The following CEP44 variants were observed in gnomAD, a reference collection of about 807,000 sequenced individuals.
The protein encoded by CEP44 is centrosomal protein 44.
A neutral mutation model predicts 46.7 loss-of-function variants in CEP44; 45 were observed. The observed-to-expected ratio is 0.96, with a 90% CI of 0.76 to 1.24. The LOEUF (loss-of-function observed/expected upper bound fraction) is 1.24. Among genes scored for constraint, CEP44 ranks in the 50% most tolerant of loss-of-function variants. The pLI is 0.00. For synonymous variants in CEP44, 142 were observed against 146.0 expected, an observed-to-expected ratio of 0.97 and a Z score of 0.20; for missense variants, 475 against 459.7, an observed-to-expected ratio of 1.03 and a Z score of -0.30.
At chr4:174,299,436 A>G (rs991644974) in intron 3 of CEP44, among the ~76,000 whole-genome samples, 40 of 152,354 alleles carry the variant, frequency 2.6e-4, no homozygotes, top group Admixed American at 1.8e-3. Context: ...TTAGAAGCAC[A>G]GTATTTATCT....
Position 174,319,319 on chromosome 4 carries a change from CGATT to C in CEP44, c.*1937_*1940del. 1 of 980,926 alleles carries C rather than the reference CGATT, an allele frequency of 1.0e-6. No individual in the cohort carries two copies. Among genetic ancestry groups the C allele is most frequent in the Non-Finnish European group, 1.2e-6 (1 of 825,904 alleles). The allele number at this position is 980,926 out of a possible 1,614,324, so 60.8% of individuals were successfully genotyped here. A position where few individuals can be genotyped will look rare whatever the true frequency, so the allele number is the denominator to read the frequency against. On this transcript the variant is annotated 3_prime_UTR_variant, in exon 12 of 12. Transcript: ENST00000503780. Reference sequence around the variant, plus strand: ...GTTATAAGGGAAAAAACTTCTGTATCGATTAACTCCTAAAATATCAGTACCAGCA... The same window carrying C: ...GTTATAAGGGAAAAAACTTCTGTATCAACTCCTAAAATATCAGTACCAGCA...
chr4:174,328,240 G>A (rs1488543279), intron 8 of CEP44, among the ~76,000 whole-genome samples: 1 of 152,122 alleles, frequency 6.6e-6, no homozygotes, highest in Non-Finnish European at 1.5e-5. Flanking sequence ...CTAAGTTGTG[G>A]CCATGTGGCC....
At chr4:174,294,360 G>A (rs1351809216) in intron 1 of CEP44, among the ~76,000 whole-genome samples, 2 of 152,000 alleles carry the variant, frequency 1.3e-5, no homozygotes, top group African/African-American at 4.8e-5. Context: ...AGGGTTGGGG[G>A]TAGGGTCACC....
At chr4:174,321,829 CTTAAGT>C (rs996976115), downstream of CEP44, among the ~76,000 whole-genome samples, 10 of 152,198 alleles carry the variant, frequency 6.6e-5, no homozygotes, top group East Asian at 1.2e-3. Flanking sequence ...AAAAAAGCAT[CTTAAGT>C]TTAAGAAAAT....
rs538963086 is a variant in CEP44 at position 174,331,885 on chromosome 4, T to C, written c.*290T>C. 1.4e-4 allele frequency: 39 copies of C among 286,316 alleles called. No homozygotes were observed. The highest frequency in any genetic ancestry group is 2.2e-4 in the Non-Finnish European group (34 of 154,948). The allele number at this position is 286,316 out of a possible 1,614,324, so 17.7% of individuals were successfully genotyped here. A position where few individuals can be genotyped will look rare whatever the true frequency, so the allele number is the denominator to read the frequency against. On this transcript the variant is annotated 3_prime_UTR_variant, in exon 9 of 9. Coordinates refer to the CEP44 transcript ENST00000426172. The surrounding 1 kb of genome is among the most constrained non-coding windows in gnomAD (Gnocchi z 4.5). Reference sequence around the variant, plus strand: ...TTTCATATTTCTTTATTATTGTAAATGGGGGCTGTGGAAGGTGAGAAAACA... The same window carrying C: ...TTTCATATTTCTTTATTATTGTAAACGGGGGCTGTGGAAGGTGAGAAAACA...
chr4:174,327,364 T>C (rs1261878680), intron 8 of CEP44, among the ~76,000 whole-genome samples: 1 of 151,830 alleles, frequency 6.6e-6, no homozygotes, highest in Non-Finnish European at 1.5e-5. Flanking sequence ...GAAGACTCAA[T>C]ACAGATTAAT....
Position 174,301,150 on chromosome 4 carries a change from T to A in CEP44, c.90-889T>A, listed in dbSNP as rs1024165922. Among the ~76,000 whole-genome samples the A allele has an allele frequency of 5.3e-5, 8 of 152,194 alleles. No individual in the cohort carries two copies. The highest frequency in any genetic ancestry group is 2.9e-5 in the Non-Finnish European group (2 of 68,002). On this transcript the variant is annotated intron_variant, in intron 3 of 11. Transcript: ENST00000503780. This position sits in a 1 kb window ranked among gnomAD's most constrained non-coding sequence, Gnocchi z 4.3. ...CTAAAAATTTGGGTGGAGATGGGGA[T>A]GTTTATGTGAACATCTTGAATTTTT...
intron 1 of CEP44, among the ~76,000 whole-genome samples, chr4:174,296,185 T>C (rs968374495): frequency 6.6e-6 from 1 of 152,250 alleles, no homozygotes; most frequent in African/African-American, 2.4e-5. Flanking sequence ...ATTCTTCCTA[T>C]GTGATCTTTT....
intron 1 of CEP44, among the ~76,000 whole-genome samples, chr4:174,284,560 A>G (rs1194859388): frequency 6.6e-6 from 1 of 152,154 alleles, no homozygotes; most frequent in Non-Finnish European, 1.5e-5. Context: ...GTAACAAGTT[A>G]ATCTTGAAGT....
intron 6 of CEP44, among the ~76,000 whole-genome samples, chr4:174,305,726 T>C (rs1253752276): frequency 6.6e-6 from 1 of 152,192 alleles, no homozygotes; most frequent in East Asian, 1.9e-4. Flanking sequence ...GGAACATATA[T>C]GAACAGGGAT....
chr4:174,299,037 G>T, intron 2 of CEP44, 35 bp from the exon 3 acceptor site: 1 of 1,196,016 alleles, frequency 8.4e-7, no homozygotes, highest in South Asian at 1.4e-5. Context: ...AAAATACAGA[G>T]ACTTAACCAG....
At position 174,318,106 on chromosome 4, in the gene CEP44, C is replaced by G; in HGVS notation, c.*723C>G. 1.0e-6 allele frequency: 1 copy of G among 973,128 alleles called. No homozygotes were observed. Among genetic ancestry groups the G allele is most frequent in the Non-Finnish European group, 1.2e-6 (1 of 818,818 alleles). 60.3% of individuals were successfully genotyped at this position (973,128 alleles called of 1,614,324 possible). A position where few individuals can be genotyped will look rare whatever the true frequency, so the allele number is the denominator to read the frequency against. ...GGGATGGAGTTTCGCTGTTGTTGCC[C>G]AGGCTGGAGTGCAATAGCACGATCT... is the stretch of plus-strand genomic sequence containing the variant. On this transcript the variant is annotated 3_prime_UTR_variant, in exon 12 of 12. Coordinates refer to ENST00000503780, the MANE Select transcript of CEP44 (RefSeq NM_001040157.3).
Position 174,309,136 on chromosome 4 carries a change from A to T in CEP44, c.678+277A>T, listed in dbSNP as rs996669487. ...TAAGGAATCTACAATTTAGTGAGAC[A>T]TAGCGATATGCTACTTTGCATAGTG... On this transcript the variant is annotated intron_variant, in intron 7 of 11. Coordinates refer to ENST00000503780, the MANE Select transcript of CEP44 (RefSeq NM_001040157.3). The surrounding 1 kb of genome is among the most constrained non-coding windows in gnomAD (Gnocchi z 5.3). 6.6e-6 allele frequency among the ~76,000 whole-genome samples: 1 copy of T among 152,118 alleles called. No homozygotes were observed. Among genetic ancestry groups the T allele is most frequent in the Non-Finnish European group, 1.5e-5 (1 of 67,980 alleles).
chr4:174,299,044 C>T (rs1739403207), intron 2 of CEP44, 28 bp from the exon 3 acceptor site: 1 of 1,256,526 alleles, frequency 8.0e-7, no homozygotes, highest in East Asian at 2.4e-5. Context: ...AGAGACTTAA[C>T]CAGTATTTCA....
In CEP44 at chr4:174,311,837, A is replaced by T. The variant is rs2126643481; in HGVS notation, c.961+979A>T. On this transcript the variant is annotated intron_variant, in intron 9 of 11. Coordinates refer to ENST00000503780, the MANE Select transcript of CEP44 (RefSeq NM_001040157.3). The surrounding 1 kb of genome is among the most constrained non-coding windows in gnomAD (Gnocchi z 4.4). ...CTTGACTGCTGCATATTTGGAGCACATATCAATATCATTGCACAAAGAACA... is the reference window on the plus strand; with the variant it reads ...CTTGACTGCTGCATATTTGGAGCACTTATCAATATCATTGCACAAAGAACA... 6.6e-6 allele frequency among the ~76,000 whole-genome samples: 1 copy of T among 152,328 alleles called. No homozygotes were observed. Among genetic ancestry groups the T allele is most frequent in the South Asian group, 2.1e-4 (1 of 4,828 alleles).
intron 1 of CEP44, among the ~76,000 whole-genome samples, chr4:174,285,726 C>CG (rs1236398589): frequency 6.6e-6 from 1 of 152,104 alleles, no homozygotes. Flanking sequence ...AATTGTGTTA[C>CG]GATAGATGGG....
chr4:174,294,121 G>A, intron 1 of CEP44, among the ~76,000 whole-genome samples: 1 of 150,624 alleles, frequency 6.6e-6, no homozygotes, highest in Non-Finnish European at 1.5e-5. Flanking sequence ...TAGGACAATA[G>A]TGGAGGGAGG....
In CEP44 at chr4:174,326,521, C is replaced by T. The variant is rs1242484438; in HGVS notation, c.1087-4961C>T. Among the ~76,000 whole-genome samples, 1 of 152,002 alleles carries T rather than the reference C, an allele frequency of 6.6e-6. No individual in the cohort carries two copies. Among genetic ancestry groups the T allele is most frequent in the Non-Finnish European group, 1.5e-5 (1 of 67,964 alleles). ...ATCATTACTTTTGCTATAAGCAATCCATTATCTTTTTAAAAGGTTTAAATA... is the reference window on the plus strand; with the variant it reads ...ATCATTACTTTTGCTATAAGCAATCTATTATCTTTTTAAAAGGTTTAAATA... On this transcript the variant is annotated intron_variant, in intron 8 of 8. Coordinates refer to the CEP44 transcript ENST00000426172. This position sits in a 1 kb window ranked among gnomAD's most constrained non-coding sequence, Gnocchi z 4.8.
intron 1 of CEP44, among the ~76,000 whole-genome samples, chr4:174,292,678 A>C (rs557636058): frequency 6.6e-6 from 1 of 152,022 alleles, no homozygotes; most frequent in Non-Finnish European, 1.5e-5. Flanking sequence ...TTTTTAGTTC[A>C]GTCATTGTAT....
Sources: gnomAD v4.1 joint callset for allele counts (sites outside exome capture counted in the v4.1 genomes callset) on GRCh38, gnomAD v4.1.1 for gene constraint, Gnocchi (gnomAD v3.1) non-coding constraint, MANE v1.5 for transcripts, NCBI Gene and HGNC (gene_info 2026-07-23, HGNC 2026-07-21) for gene names.